The following FAM120A variants were observed in gnomAD, a reference collection of about 807,000 sequenced individuals.
FAM120A encodes family with sequence similarity 120 member A, also known as constitutive coactivator of PPAR-gamma-like protein 1.
In FAM120A, 15 loss-of-function variants were observed where a neutral mutation model predicts 109.7. The observed-to-expected ratio is 0.14, with a 90% CI of 0.09 to 0.21. The LOEUF (loss-of-function observed/expected upper bound fraction) is 0.21, where lower values mean the gene tolerates loss of function less well. FAM120A is among the 10% of genes least tolerant of loss of function. FAM120A has a pLI of 1.00. For synonymous variants in FAM120A, 493 were observed against 572.8 expected, an observed-to-expected ratio of 0.86 and a Z score of 1.99; for missense variants, 899 against 1,439.3, an observed-to-expected ratio of 0.62 and a Z score of 6.07.
intron 1 of FAM120A, among the ~76,000 whole-genome samples, chr9:93,454,517 G>C (rs1857463407): frequency 6.6e-6 from 1 of 152,154 alleles, no homozygotes; most frequent in Non-Finnish European, 1.5e-5. Flanking sequence ...ATTCTAACAA[G>C]CTTGGTTATC....
At chr9:93,471,534 T>G (rs1858314604) in intron 2 of FAM120A, 147 bp downstream of exon 2, 1 of 1,003,028 alleles carries the variant, frequency 1.0e-6, no homozygotes, top group African/African-American at 1.6e-5. Flanking sequence ...TAGCATTCCT[T>G]GCTTCGTATT....
intron 15 of FAM120A, among the ~76,000 whole-genome samples, chr9:93,560,486 T>C (rs1218491826): frequency 6.6e-6 from 1 of 152,250 alleles, no homozygotes; most frequent in Non-Finnish European, 1.5e-5. Flanking sequence ...AGATGATAGT[T>C]GTTTATTATC....
chr9:93,527,070 T>C (rs1861115336), intron 7 of FAM120A, 85 bp from the exon 8 acceptor site: 1 of 1,018,136 alleles, frequency 9.8e-7, no homozygotes, highest in Non-Finnish European at 1.5e-6. Flanking sequence ...ATTATGAGCC[T>C]GAAGACTTAG....
At chr9:93,545,946 G>A (rs563782416) in intron 11 of FAM120A, among the ~76,000 whole-genome samples, 50 of 151,442 alleles carry the variant, frequency 3.3e-4, no homozygotes, top group Non-Finnish European at 6.5e-4. Flanking sequence ...CACCACGCCC[G>A]GCTAATTTTT....
rs566037526 is a variant in FAM120A, at chr9:93,452,783, C to T, written c.474+394C>T. ...ACTCCCTTTTCTAATTTAGCCTGTT[C>T]TTTCCCAGCAACAGGTTCATCTTGG... On this transcript the variant is annotated intron_variant, in intron 1 of 17. Transcript: ENST00000277165. The surrounding 1 kb of genome is among the most constrained non-coding windows in gnomAD (Gnocchi z 7.0). 1 of 1,593,554 alleles carries T rather than the reference C, an allele frequency of 6.3e-7. No homozygotes were observed. Among genetic ancestry groups the T allele is most frequent in the East Asian group, 2.2e-5 (1 of 44,794 alleles).
chr9:93,490,400 A>G (rs1859262841), intron 3 of FAM120A, among the ~76,000 whole-genome samples: 1 of 152,238 alleles, frequency 6.6e-6, no homozygotes, highest in South Asian at 2.1e-4. Context: ...AGTGGATTTT[A>G]GAGATTAGGT....
At chr9:93,560,290 T>C (rs1862427221) in intron 15 of FAM120A, among the ~76,000 whole-genome samples, 1 of 151,718 alleles carries the variant, frequency 6.6e-6, no homozygotes, top group East Asian at 1.9e-4. Context: ...CGAGACCCTG[T>C]CTTAAAAAAA....
intron 1 of FAM120A, among the ~76,000 whole-genome samples, chr9:93,468,528 G>A (rs1858159226): frequency 6.6e-6 from 1 of 152,164 alleles, no homozygotes; most frequent in South Asian, 2.1e-4. Flanking sequence ...TTTAAAAGAG[G>A]ATTTTTAAGG....
In FAM120A at chr9:93,529,541, G is replaced by C. The variant is rs1861240203; in HGVS notation, c.1695G>C (p.Lys565Asn). 1 of 1,614,222 alleles carries C rather than the reference G, an allele frequency of 6.2e-7. No homozygotes were observed. Among genetic ancestry groups the C allele is most frequent in the Non-Finnish European group, 8.5e-7 (1 of 1,180,028 alleles). ...GAGTGGCCGAGCACAGGCACAAGAA[G>C]GGGCTGATGTACCCCTACATCTTCC... ...VLRVAEHRHK[K>N]GLMYPYIFHV... Residue 565 changes from lysine to asparagine, a missense_variant, in exon 9 of 18, where the codon AAG becomes AAC. This residue lies in a region of FAM120A where 133 missense variants were observed against 276.6 expected (regional missense o/e 0.48). Coordinates refer to ENST00000277165, the MANE Select transcript of FAM120A (RefSeq NM_014612.5).
chr9:93,464,247 A>G (rs1197602443), intron 1 of FAM120A, among the ~76,000 whole-genome samples: 1 of 152,154 alleles, frequency 6.6e-6, no homozygotes, highest in Admixed American at 6.5e-5. Flanking sequence ...ATTCTTTGTA[A>G]AAGTCCTGAG....
intron 12 of FAM120A, among the ~76,000 whole-genome samples, chr9:93,553,213 C>A (rs1453888896): frequency 6.6e-6 from 1 of 152,256 alleles, no homozygotes; most frequent in East Asian, 1.9e-4. Context: ...TTAGCACTGA[C>A]CCCTGTGTTT....
chr9:93,503,839 G>GTA (rs879888520), intron 5 of FAM120A, among the ~76,000 whole-genome samples: 240 of 150,430 alleles, frequency 1.6e-3, no homozygotes, highest in African/African-American at 5.1e-3. Context: ...AAAAAAAAAA[G>GTA]TATATATATA....
chr9:93,505,356 G>A (rs541861373), intron 5 of FAM120A, among the ~76,000 whole-genome samples: 18 of 152,094 alleles, frequency 1.2e-4, no homozygotes, highest in African/African-American at 3.4e-4. Flanking sequence ...CACTGCGCCC[G>A]GCCTGTTCGC....
chr9:93,513,754 G>A (rs1458569715), intron 5 of FAM120A, among the ~76,000 whole-genome samples: 1 of 152,252 alleles, frequency 6.6e-6, no homozygotes, highest in Non-Finnish European at 1.5e-5. Flanking sequence ...TTCACTCCCA[G>A]CGTCTGTTGA....
At chr9:93,483,102 A>G (rs1353155844) in intron 3 of FAM120A, among the ~76,000 whole-genome samples, 2 of 152,186 alleles carry the variant, frequency 1.3e-5, no homozygotes, top group African/African-American at 4.8e-5. Context: ...AAATAAATAG[A>G]AAGATGAACT....
At chr9:93,471,071 A>T (rs1564311838) in intron 1 of FAM120A, 70 bp from the exon 2 acceptor site, 10 of 1,548,564 alleles carry the variant, frequency 6.5e-6, no homozygotes. Context: ...CTGTGCAAAC[A>T]TTTCTGCTTA....
intron 5 of FAM120A, among the ~76,000 whole-genome samples, chr9:93,505,456 A>G (rs1471629145): frequency 1.3e-5 from 2 of 152,216 alleles, no homozygotes; most frequent in Non-Finnish European, 2.9e-5. Flanking sequence ...ATGGACTGCA[A>G]ATAATAATCT....
intron 10 of FAM120A, among the ~76,000 whole-genome samples, chr9:93,542,673 T>G (rs1861747937): frequency 6.6e-6 from 1 of 152,216 alleles, no homozygotes; most frequent in African/African-American, 2.4e-5. Flanking sequence ...TGCATCTACT[T>G]GTGTTTTACT....
chr9:93,500,006 G>A lies in FAM120A; in HGVS notation c.1030+1120G>A, dbSNP rs984155048. Among the ~76,000 whole-genome samples, 2 of 152,166 alleles carry A rather than the reference G, an allele frequency of 1.3e-5. No homozygotes were observed. ...TGGACAGGGAAACATGGCCTGTGCC[G>A]ATGCCCTGTAATAAAGGAGGTAGGG... On this transcript the variant is annotated intron_variant, in intron 5 of 17. Coordinates refer to ENST00000277165, the MANE Select transcript of FAM120A (RefSeq NM_014612.5). The surrounding 1 kb of genome is among the most constrained non-coding windows in gnomAD (Gnocchi z 4.6).
Sources: gnomAD v4.1 joint callset for allele counts (sites outside exome capture counted in the v4.1 genomes callset) on GRCh38, gnomAD v4.1.1 for gene constraint, gnomAD v4.1.1 regional missense constraint, Gnocchi (gnomAD v3.1) non-coding constraint, MANE v1.5 for transcripts, NCBI Gene and HGNC (gene_info 2026-07-23, HGNC 2026-07-21) for gene names.